Variants in GRIP1 observed in about 807,000 individuals in gnomAD.
The protein encoded by GRIP1 is glutamate receptor interacting protein 1.
Under a neutral mutation model 129.9 loss-of-function variants are expected in GRIP1, and 45 were observed. The observed-to-expected ratio is 0.35, with a 90% CI of 0.27 to 0.44. GRIP1 has a LOEUF of 0.44. Among genes scored for constraint, GRIP1 ranks in the 20% least tolerant of loss-of-function variants. The probability of loss-of-function intolerance (pLI) is 1.00; values close to 1 mark genes in which losing one functional copy is unlikely to be tolerated. For missense variants in GRIP1, 1,196 were observed against 1,396.8 expected, an observed-to-expected ratio of 0.86 and a Z score of 2.29; for synonymous variants, 530 against 520.8, an observed-to-expected ratio of 1.02 and a Z score of -0.24.
rs565498299 is a variant in GRIP1 at position 66,528,658 on chromosome 12, A to C, written c.502+1173T>G. Among the ~76,000 whole-genome samples, 4 of 152,330 alleles carry C rather than the reference A, an allele frequency of 2.6e-5. No homozygotes were observed. In the East Asian group the frequency reaches 5.8e-4, roughly 22 times the overall value. On this transcript the variant is annotated intron_variant, in intron 5 of 24. Transcript: ENST00000359742. ...TTAAATCAAATCAAGCATACTAATC[A>C]ACATTTTTCAGTGATATCGAAAAAT...
intron 1 of GRIP1, among the ~76,000 whole-genome samples, chr12:66,987,534 T>A (rs960360752): frequency 1.3e-5 from 2 of 152,164 alleles, no homozygotes; most frequent in African/African-American, 4.8e-5. Flanking sequence ...TGTCTCCCCT[T>A]ACAAATGTAA....
chr12:66,723,120 A>C (rs1304574072), intron 1 of GRIP1, among the ~76,000 whole-genome samples: 1 of 148,212 alleles, frequency 6.7e-6, no homozygotes, highest in Non-Finnish European at 1.5e-5. Flanking sequence ...ATTTTTTGGA[A>C]AAAAAAAAAA....
At chr12:66,410,083 T>G (rs1319543493) in intron 15 of GRIP1, among the ~76,000 whole-genome samples, 1 of 149,260 alleles carries the variant, frequency 6.7e-6, no homozygotes, top group East Asian at 2.0e-4. Flanking sequence ...ACCCCGTCTC[T>G]ACTAAAAATA....
intron 1 of GRIP1, among the ~76,000 whole-genome samples, chr12:66,791,527 G>T (rs375095136): frequency 1.3e-5 from 2 of 152,124 alleles, no homozygotes; most frequent in East Asian, 3.9e-4. Context: ...ACCACAGATG[G>T]TTTGATGGAG....
At chr12:66,601,926 G>C (rs2064294386) in intron 1 of GRIP1, among the ~76,000 whole-genome samples, 1 of 152,188 alleles carries the variant, frequency 6.6e-6, no homozygotes, top group African/African-American at 2.4e-5. Flanking sequence ...CAGTGGAGTG[G>C]TGATGGCAGA....
At chr12:66,922,342 T>C (rs533924860) in intron 1 of GRIP1, among the ~76,000 whole-genome samples, 4 of 152,240 alleles carry the variant, frequency 2.6e-5, no homozygotes, top group African/African-American at 7.2e-5. Context: ...CCACCTTCTA[T>C]AAAACCAGGA....
At chr12:66,479,122 A>C (rs1374302710) in intron 7 of GRIP1, among the ~76,000 whole-genome samples, 3 of 151,764 alleles carry the variant, frequency 2.0e-5, no homozygotes, top group Non-Finnish European at 4.4e-5. Context: ...AAATCAATGA[A>C]TCCAGGAGCT....
intron 11 of GRIP1, among the ~76,000 whole-genome samples, 162 bp downstream of exon 11, chr12:66,455,247 T>C (rs1350254421): frequency 2.6e-5 from 4 of 152,186 alleles, no homozygotes; most frequent in African/African-American, 9.7e-5. Flanking sequence ...AGATACTGGG[T>C]ATCGTGTCAA....
At chr12:66,529,980 A>G (rs1198790281) in intron 4 of GRIP1, 66 bp from the exon 5 acceptor site, 10 of 987,808 alleles carry the variant, frequency 1.0e-5, no homozygotes, top group Middle Eastern at 4.1e-4. Flanking sequence ...AAATCATTCA[A>G]TGTGGCATAA....
At chr12:66,407,592 A>C (rs1290981698) in intron 15 of GRIP1, among the ~76,000 whole-genome samples, 1 of 152,180 alleles carries the variant, frequency 6.6e-6, no homozygotes, top group African/African-American at 2.4e-5. Context: ...CTACCCTGTC[A>C]CAGCGGAAAG....
chr12:66,740,397 T>G (rs1360360368), intron 1 of GRIP1, among the ~76,000 whole-genome samples: 1 of 152,174 alleles, frequency 6.6e-6, no homozygotes, highest in East Asian at 1.9e-4. Flanking sequence ...CAGTGTACAG[T>G]TCTTGACTTC....
At chr12:66,595,241 C>T (rs2064001398) in intron 2 of GRIP1, among the ~76,000 whole-genome samples, 1 of 152,102 alleles carries the variant, frequency 6.6e-6, no homozygotes, top group African/African-American at 2.4e-5. Context: ...AAACAAAATT[C>T]ATGATGAAAA....
chr12:66,831,038 G>A (rs918529469), intron 1 of GRIP1, among the ~76,000 whole-genome samples: 5 of 151,756 alleles, frequency 3.3e-5, no homozygotes, highest in African/African-American at 4.8e-5. Flanking sequence ...GTAGAGATGC[G>A]GTCTCACTGT....
At chr12:66,372,279 G>C (rs1392921423) in intron 22 of GRIP1, 2 of 361,300 alleles carry the variant, frequency 5.5e-6, no homozygotes, top group South Asian at 2.5e-5. Context: ...TAACAGATGG[G>C]ATTCATGAGG....
chr12:66,703,149 T>A (rs747614305), intron 1 of GRIP1, among the ~76,000 whole-genome samples: 2 of 152,078 alleles, frequency 1.3e-5, no homozygotes, highest in Non-Finnish European at 2.9e-5. Context: ...AGCAAAGATA[T>A]GGTGCCTTGA....
At chr12:66,400,001 G>T (rs536154227) in intron 16 of GRIP1, among the ~76,000 whole-genome samples, 1 of 152,060 alleles carries the variant, frequency 6.6e-6, no homozygotes, top group South Asian at 2.1e-4. Flanking sequence ...AGTGTTGAGT[G>T]TTTCAGAGTA....
intron 1 of GRIP1, among the ~76,000 whole-genome samples, chr12:66,890,754 T>C (rs568807473): frequency 6.6e-6 from 1 of 152,332 alleles, no homozygotes; most frequent in South Asian, 2.1e-4. Context: ...TCTTTAGATC[T>C]GAAAAAGAAA....
chr12:66,577,270 T>C (rs1057419150), intron 2 of GRIP1, among the ~76,000 whole-genome samples: 3 of 145,606 alleles, frequency 2.1e-5, no homozygotes, highest in Non-Finnish European at 4.6e-5. Flanking sequence ...GATAAGAAAC[T>C]TCAGTCCATC....
Position 66,578,903 on chromosome 12 carries a change from C to T in GRIP1, c.136+17944G>A, listed in dbSNP as rs1295382172. Among the ~76,000 whole-genome samples the T allele has an allele frequency of 1.6e-4, 24 of 152,294 alleles. No individual in the cohort carries two copies. In the East Asian group the frequency reaches 4.3e-3, roughly 27 times the overall value. On this transcript the variant is annotated intron_variant, in intron 2 of 24. Coordinates refer to ENST00000359742, the MANE Select transcript of GRIP1 (RefSeq NM_001366722.1). ...CCCTGTCTGACAGCTTTGAAGAGAG[C>T]AGTGGTTCTCCCAGCACGCAGCTGG... is the stretch of plus-strand genomic sequence containing the variant.
Sources: gnomAD v4.1 joint callset for allele counts (sites outside exome capture counted in the v4.1 genomes callset) on GRCh38, gnomAD v4.1.1 for gene constraint, MANE v1.5 for transcripts, NCBI Gene and HGNC (gene_info 2026-07-23, HGNC 2026-07-21) for gene names.